The following TTBK1 variants were observed in gnomAD, a reference collection of about 807,000 sequenced individuals.
TTBK1 encodes the protein tau-tubulin kinase 1.
TTBK1 carries 34 observed loss-of-function variants against 108.5 expected under a neutral mutation model. The observed-to-expected ratio is 0.31, with a 90% CI of 0.24 to 0.42. TTBK1 has a LOEUF of 0.42. Ranked by LOEUF, TTBK1 falls within the 10% of genes least tolerant of loss-of-function variation. TTBK1 has a pLI of 1.00. For missense variants in TTBK1, 1,539 were observed against 1,826.0 expected (o/e 0.84, Z 2.86); for synonymous variants, 809 against 795.1 (o/e 1.02, Z -0.29).
chr6:43,250,147 G>C (rs1225123016), intron 2 of TTBK1, among the ~76,000 whole-genome samples: 1 of 151,966 alleles, frequency 6.6e-6, no homozygotes, highest in African/African-American at 2.4e-5. Flanking sequence ...GGGCACCCTG[G>C]GAAATTGGGA....
chr6:43,256,171 T>G (rs1777376318), intron 9 of TTBK1, among the ~76,000 whole-genome samples: 1 of 151,408 alleles, frequency 6.6e-6, no homozygotes, highest in South Asian at 2.1e-4. Flanking sequence ...AATCTTGCTC[T>G]GTCACCCAGG....
Position 43,257,767 on chromosome 6 carries a change from C to T in TTBK1, c.862-45C>T, listed in dbSNP as rs1249505192. The T allele has an allele frequency of 1.1e-5, 17 of 1,579,090 alleles. No individual in the cohort carries two copies. Among genetic ancestry groups the T allele is most frequent in the Non-Finnish European group, 1.4e-5 (16 of 1,157,882 alleles). On this transcript the variant is annotated intron_variant, in intron 9 of 14. Coordinates refer to ENST00000259750, the MANE Select transcript of TTBK1 (RefSeq NM_032538.3). This position sits in a 1 kb window ranked among gnomAD's most constrained non-coding sequence, Gnocchi z 4.5. ...CAACTGCCCCTTCCTCCTGGCTAGC[C>T]CCCGGATCACCTCTCTGTCCTCCCA... is the stretch of plus-strand genomic sequence containing the variant.
chr6:43,286,444 G>T lies in TTBK1; in HGVS notation c.*1068G>T, dbSNP rs561672288. 1.9e-4 allele frequency: 29 copies of T among 152,758 alleles called. No homozygotes were observed. Among genetic ancestry groups the T allele is most frequent in the African/African-American group, 6.0e-4 (25 of 41,558 alleles). 9.5% of individuals were successfully genotyped at this position (152,758 alleles called of 1,614,324 possible). A position where few individuals can be genotyped will look rare whatever the true frequency, so the allele number is the denominator to read the frequency against. On this transcript the variant is annotated 3_prime_UTR_variant, in exon 15 of 15. Transcript: ENST00000259750. This position sits in a 1 kb window ranked among gnomAD's most constrained non-coding sequence, Gnocchi z 4.6. ...GGCCCTTCGGAGATTCGGGGACTCA[G>T]TTCTGGTGGGGTCACCCTCCCTGTC...
intron 6 of TTBK1, 87 bp from the exon 7 acceptor site, chr6:43,254,962 G>A (rs576980885): frequency 3.0e-6 from 4 of 1,341,178 alleles, no homozygotes; most frequent in East Asian, 4.6e-5. Context: ...GGTGGTCAGG[G>A]TGAAGAGTTA....
In TTBK1 at chr6:43,252,621, C is replaced by CAA. The variant is rs35235406; in HGVS notation, c.109-106_109-105dup. ...TGGGCGACAAAGTGAGACTCCATCT[C>CAA]AAAAAAAAAAAAAGATACCCCCCTT... On this transcript the variant is annotated intron_variant, in intron 2 of 14. Transcript: ENST00000259750. 8.1e-3 allele frequency: 8,129 copies of CAA among 1,009,550 alleles called. 3 individuals are homozygous for CAA. The highest frequency in any genetic ancestry group is 0.017 in the Middle Eastern group (63 of 3,714). The allele number at this position is 1,009,550 out of a possible 1,614,324, so 62.5% of individuals were successfully genotyped here. A position where few individuals can be genotyped will look rare whatever the true frequency, so the allele number is the denominator to read the frequency against.
chr6:43,257,664 T>C lies in TTBK1; in HGVS notation c.862-148T>C, dbSNP rs1054351352. 1.5e-6 allele frequency: 1 copy of C among 672,788 alleles called. No individual in the cohort carries two copies. Among genetic ancestry groups the C allele is most frequent in the Non-Finnish European group, 2.5e-6 (1 of 396,688 alleles). 41.7% of individuals were successfully genotyped at this position (672,788 alleles called of 1,614,324 possible). On this transcript the variant is annotated intron_variant, in intron 9 of 14. Transcript: ENST00000259750. The surrounding 1 kb of genome is among the most constrained non-coding windows in gnomAD (Gnocchi z 4.5). ...TGTGCATGTTTTCATTTAAAATCAA[T>C]GTGCCGTTCTCCTTCCAATGCCCCC...
At chr6:43,244,297 G>C (rs1317395622) in intron 1 of TTBK1, among the ~76,000 whole-genome samples, 2 of 151,836 alleles carry the variant, frequency 1.3e-5, no homozygotes, top group African/African-American at 2.4e-5. Context: ...CCTTACCTGG[G>C]CTCCCAGATT....
Position 43,283,697 on chromosome 6 carries a change from C to T in TTBK1, c.2957C>T (p.Ser986Leu), listed in dbSNP as rs1471694367. The T allele has an allele frequency of 1.2e-6, 2 of 1,613,974 alleles. No individual in the cohort carries two copies. Among genetic ancestry groups the T allele is most frequent in the Non-Finnish European group, 1.7e-6 (2 of 1,179,930 alleles). ...CCCCTGGAGAACGGCCTCGCCCTGTCAGGGCTGAATGGGGCTGAGATAGAG... is the reference window on the plus strand; with the variant it reads ...CCCCTGGAGAACGGCCTCGCCCTGTTAGGGCTGAATGGGGCTGAGATAGAG... ...RAPLENGLAL[S>L]GLNGAEIEGS... Residue 986 changes from serine (S) to leucine (L), a missense_variant, in exon 14 of 15, where the codon TCA becomes TTA. By Grantham distance (145) the Ser-to-Leu change is moderately radical. Coordinates refer to ENST00000259750, the MANE Select transcript of TTBK1 (RefSeq NM_032538.3). This position sits in a 1 kb window ranked among gnomAD's most constrained non-coding sequence, Gnocchi z 8.1.
At chr6:43,261,880 A>G (rs922398752) in intron 12 of TTBK1, among the ~76,000 whole-genome samples, 4 of 151,930 alleles carry the variant, frequency 2.6e-5, no homozygotes, top group Non-Finnish European at 1.5e-5. Context: ...CTTGGGGTAA[A>G]GTCAGATGGG....
Position 43,273,218 on chromosome 6 carries a change from T to G in TTBK1, c.1987-9509T>G, listed in dbSNP as rs1362194798. Among the ~76,000 whole-genome samples the G allele has an allele frequency of 6.6e-6, 1 of 152,228 alleles. No individual in the cohort carries two copies. The highest frequency in any genetic ancestry group is 1.5e-5 in the Non-Finnish European group (1 of 68,032). ...ATCTGAGGTCTTGTTTGACAGAGTTTGTGAAACATCTTGGTCTATGTATTG... is the reference window on the plus strand; with the variant it reads ...ATCTGAGGTCTTGTTTGACAGAGTTGGTGAAACATCTTGGTCTATGTATTG... On this transcript the variant is annotated intron_variant, in intron 13 of 14. Transcript: ENST00000259750. This position sits in a 1 kb window ranked among gnomAD's most constrained non-coding sequence, Gnocchi z 4.2.
At chr6:43,254,909 G>A in intron 6 of TTBK1, 140 bp from the exon 7 acceptor site, 1 of 893,630 alleles carries the variant, frequency 1.1e-6, no homozygotes. Context: ...GCGGGTTTAG[G>A]ACTGGAAGGT....
At chr6:43,274,954 G>T (rs1348954253) in intron 13 of TTBK1, among the ~76,000 whole-genome samples, 3 of 152,102 alleles carry the variant, frequency 2.0e-5, no homozygotes, top group Non-Finnish European at 4.4e-5. Context: ...ACTCTCCTCC[G>T]CTTGGCTCCG....
rs756492006 is a variant in TTBK1 at position 43,257,913 on chromosome 6, G to A, written c.963G>A (p.Thr321=). 1.7e-5 allele frequency: 28 copies of A among 1,613,684 alleles called. No homozygotes were observed. The highest frequency in any genetic ancestry group is 5.5e-5 in the South Asian group (5 of 91,052). The change falls in exon 10 of 15, where the codon ACG becomes ACA. Residue 321 remains threonine (T), a synonymous_variant. Coordinates refer to ENST00000259750, the MANE Select transcript of TTBK1 (RefSeq NM_032538.3). This position sits in a 1 kb window ranked among gnomAD's most constrained non-coding sequence, Gnocchi z 4.5. Reference sequence around the variant, plus strand: ...CAGGCACCGATGCCCTCCTGTCCACGAGCACCTCTACCCCGCCCCAGCAGA... The same window carrying A: ...CAGGCACCGATGCCCTCCTGTCCACAAGCACCTCTACCCCGCCCCAGCAGA... ...EKAGTDALLS[T]STSTPPQQNT... is the part of the protein sequence containing the mutation.
In TTBK1 at chr6:43,243,647, C is replaced by A. The variant is rs1009106304; in HGVS notation, c.-116C>A. The A allele has an allele frequency of 6.5e-6, 1 of 152,892 alleles. No homozygotes were observed. The highest frequency in any genetic ancestry group is 2.4e-5 in the African/African-American group (1 of 41,272). The allele number at this position is 152,892 out of a possible 1,614,324, so 9.5% of individuals were successfully genotyped here. A position where few individuals can be genotyped will look rare whatever the true frequency, so the allele number is the denominator to read the frequency against. On this transcript the variant is annotated 5_prime_UTR_variant, in exon 1 of 15. Coordinates refer to ENST00000259750, the MANE Select transcript of TTBK1 (RefSeq NM_032538.3). The surrounding 1 kb of genome is among the most constrained non-coding windows in gnomAD (Gnocchi z 5.5). ...CGCCCCGCCCCGGCCCCGGGGGATG[C>A]GCCGCCCCGAGCTGCTGCCTCCGCC...
Position 43,273,147 on chromosome 6 carries a change from A to T in TTBK1, c.1987-9580A>T, listed in dbSNP as rs1777878967. On this transcript the variant is annotated intron_variant, in intron 13 of 14. Coordinates refer to ENST00000259750, the MANE Select transcript of TTBK1 (RefSeq NM_032538.3). This position sits in a 1 kb window ranked among gnomAD's most constrained non-coding sequence, Gnocchi z 4.2. Reference sequence around the variant, plus strand: ...ATCTGCATTCAACAAATTAATCAGAACATTTTATTTACCAGAACATATAAA... The same window carrying T: ...ATCTGCATTCAACAAATTAATCAGATCATTTTATTTACCAGAACATATAAA... Among the ~76,000 whole-genome samples, 1 of 152,216 alleles carries T rather than the reference A, an allele frequency of 6.6e-6. No homozygotes were observed. The highest frequency in any genetic ancestry group is 2.1e-4 in the South Asian group (1 of 4,826).
chr6:43,264,692 G>T (rs891942411), intron 13 of TTBK1, among the ~76,000 whole-genome samples: 11 of 152,172 alleles, frequency 7.2e-5, no homozygotes, highest in Non-Finnish European at 1.6e-4. Context: ...CGAAATCAGG[G>T]CAGGAGAGGT....
In TTBK1 at chr6:43,283,477, G is replaced by A. The variant is rs1247230155; in HGVS notation, c.2737G>A (p.Val913Ile). ...GGGGGCCGGGACAGTGACCACAGGG[G>A]TCGGGGGCGTGGCAGTCACCTCCTC... is the stretch of plus-strand genomic sequence containing the variant. ...GLGAGTVTTG[V>I]GGVAVTSSPF... The change falls in exon 14 of 15, where the codon GTC (valine) becomes ATC (isoleucine). Residue 913 changes from valine (V) to isoleucine (I), a missense_variant. Val to Ile is a conservative substitution (Grantham distance 29). Coordinates refer to ENST00000259750, the MANE Select transcript of TTBK1 (RefSeq NM_032538.3). The surrounding 1 kb of genome is among the most constrained non-coding windows in gnomAD (Gnocchi z 8.1). 6.2e-7 allele frequency: 1 copy of A among 1,614,136 alleles called. No individual in the cohort carries two copies. Among genetic ancestry groups the A allele is most frequent in the East Asian group, 2.2e-5 (1 of 44,872 alleles).
chr6:43,271,102 C>A, intron 13 of TTBK1: 2 of 985,514 alleles, frequency 2.0e-6, no homozygotes, highest in Non-Finnish European at 2.4e-6. Flanking sequence ...CTTTATTCAT[C>A]CTGCCCATGT....
chr6:43,258,946 G>A, intron 10 of TTBK1, 92 bp from the exon 11 acceptor site: 1 of 881,416 alleles, frequency 1.1e-6, no homozygotes. Context: ...GCTCCTGGGG[G>A]TGGTCTCCAG....
Sources: gnomAD v4.1 joint callset for allele counts (sites outside exome capture counted in the v4.1 genomes callset) on GRCh38, gnomAD v4.1.1 for gene constraint, Gnocchi (gnomAD v3.1) non-coding constraint, MANE v1.5 for transcripts, NCBI Gene and HGNC (gene_info 2026-07-23, HGNC 2026-07-21) for gene names.